CREB3L3: variants seen among roughly 807,000 people sequenced by gnomAD.
The protein encoded by CREB3L3 is cAMP responsive element binding protein 3 like 3.
In CREB3L3, 40 loss-of-function variants were observed where a neutral mutation model predicts 44.6. The ratio of observed to expected loss-of-function variants is 0.90; its 90% CI spans 0.70 to 1.17. The LOEUF is 1.17. Ranked by LOEUF, CREB3L3 falls within the 50% of genes most tolerant of loss-of-function variation. The pLI is 0.00. For synonymous variants in CREB3L3, 273 were observed against 256.3 expected (o/e 1.06, Z -0.62); for missense variants, 578 against 595.8 (o/e 0.97, Z 0.31).
chr19:4,166,040 C>T (rs955399485), intron 5 of CREB3L3, among the ~76,000 whole-genome samples: 2 of 152,056 alleles, frequency 1.3e-5, no homozygotes, highest in Non-Finnish European at 1.5e-5. Context: ...AGTCCCCACC[C>T]AGCCTGCTGC....
intron 1 of CREB3L3, 80 bp downstream of exon 1, chr19:4,153,854 C>A (rs2145113721): frequency 6.9e-7 from 1 of 1,446,620 alleles, no homozygotes; most frequent in Non-Finnish European, 9.7e-7. Context: ...TGGAAGGACC[C>A]CATCTCCACC....
At chr19:4,163,351 A>AGAAAGAAAGAAAGAAAGAAGGAAGGAAG (rs535753131) in intron 4 of CREB3L3, among the ~76,000 whole-genome samples, 5 of 117,190 alleles carry the variant, frequency 4.3e-5, no homozygotes, top group African/African-American at 9.8e-5. Flanking sequence ...AAAGAAAGAA[A>AGAAAGAAAGAAAGAAAGAAGGAAGGAAG]GAAGGAAGGA....
At chr19:4,161,560 A>G (rs184731650) in intron 4 of CREB3L3, among the ~76,000 whole-genome samples, 5 of 152,280 alleles carry the variant, frequency 3.3e-5, no homozygotes, top group African/African-American at 1.2e-4. Flanking sequence ...ATTGAAGGCC[A>G]TCTACCCTGC....
At position 4,157,150 on chromosome 19, in the gene CREB3L3, C is replaced by G; in HGVS notation, c.312C>G (p.Ser104Arg). Residue 104 changes from serine to arginine, a missense_variant, in exon 3 of 10, where the codon AGC becomes AGG. Transcript: ENST00000078445. ...PSDPQDTPPR[S>R]GPATSPAGCH... ...ACCCCCAGGACACCCCTCCACGCAGCGGACCAGCCACCTCCCCCGCCGGCT... is the reference window on the plus strand; with the variant it reads ...ACCCCCAGGACACCCCTCCACGCAGGGGACCAGCCACCTCCCCCGCCGGCT... The G allele has an allele frequency of 6.2e-7, 1 of 1,614,004 alleles. No homozygotes were observed. Among genetic ancestry groups the G allele is most frequent in the Non-Finnish European group, 8.5e-7 (1 of 1,180,000 alleles).
rs754139376 is a variant in CREB3L3, at chr19:4,153,707, G to C, written c.-41G>C. 1.5e-5 allele frequency: 24 copies of C among 1,613,518 alleles called. No homozygotes were observed. Among genetic ancestry groups the C allele is most frequent in the Admixed American group, 8.3e-5 (5 of 59,892 alleles). ...GTGGGTGGGCCTCCAGCTTGGAGCA[G>C]AGACCCCCCGAGGCATCTGCAGACA... On this transcript the variant is annotated 5_prime_UTR_variant, in exon 1 of 10. Coordinates refer to ENST00000078445, the MANE Select transcript of CREB3L3 (RefSeq NM_032607.3).
At chr19:4,155,531 G>A (rs1238064828) in intron 2 of CREB3L3, among the ~76,000 whole-genome samples, 1 of 151,230 alleles carries the variant, frequency 6.6e-6, no homozygotes, top group African/African-American at 2.4e-5. Context: ...GCTAATTTTT[G>A]TATTTTTAGT....
chr19:4,155,752 T>TC (rs1491354500), intron 2 of CREB3L3, among the ~76,000 whole-genome samples: 7 of 7,192 alleles, frequency 9.7e-4, no homozygotes, highest in African/African-American at 4.8e-3. Flanking sequence ...TTTTACTCTC[T>TC]TTTTTTTTTT....
rs373570772 is a variant in CREB3L3 at position 4,171,935 on chromosome 19, G to A, written c.1352G>A (p.Arg451His). The part of the protein sequence containing the change: ...VAPGPSTGSG[R>H]AGLEAAGDEL ...CCTGGGCCGAGCACTGGCTCAGGACGTGCAGGGCTGGAGGCGGCGGGAGAC... is the reference window on the plus strand; with the variant it reads ...CCTGGGCCGAGCACTGGCTCAGGACATGCAGGGCTGGAGGCGGCGGGAGAC... Residue 451 changes from arginine to histidine, a missense_variant, in exon 10 of 10, where the codon CGT (arginine) becomes CAT (histidine). Coordinates refer to ENST00000078445, the MANE Select transcript of CREB3L3 (RefSeq NM_032607.3). The surrounding 1 kb of genome is among the most constrained non-coding windows in gnomAD (Gnocchi z 4.9). 24 of 1,609,536 alleles carry A rather than the reference G, an allele frequency of 1.5e-5. No individual in the cohort carries two copies. Among genetic ancestry groups the A allele is most frequent in the African/African-American group, 6.7e-5 (5 of 74,888 alleles).
At chr19:4,154,518 T>C in intron 1 of CREB3L3, among the ~76,000 whole-genome samples, 1 of 152,082 alleles carries the variant, frequency 6.6e-6, no homozygotes, top group East Asian at 1.9e-4. Context: ...GACAAGTGTG[T>C]GCCACCGCAG....
At chr19:4,169,505 AC>A (rs1417934273) in intron 6 of CREB3L3, among the ~76,000 whole-genome samples, 1 of 150,576 alleles carries the variant, frequency 6.6e-6, no homozygotes, top group Non-Finnish European at 1.5e-5. Context: ...AAAAAAAGAA[AC>A]TTGAGTCTCC....
chr19:4,170,070 G>T (rs540618367), intron 6 of CREB3L3, 70 bp from the exon 7 acceptor site: 6 of 1,458,258 alleles, frequency 4.1e-6, no homozygotes, highest in East Asian at 4.5e-5. Context: ...TGAGGCCTCT[G>T]GGGGAGATGT....
intron 7 of CREB3L3, among the ~76,000 whole-genome samples, chr19:4,170,753 C>CA (rs968232878): frequency 1.6e-4 from 24 of 149,092 alleles, no homozygotes; most frequent in African/African-American, 5.2e-4. Flanking sequence ...ACTAAAAATA[C>CA]AAAAAAAATT....
chr19:4,167,611 TATTA>T (rs1220818425), intron 5 of CREB3L3, among the ~76,000 whole-genome samples: 3 of 151,720 alleles, frequency 2.0e-5, no homozygotes, highest in Admixed American at 6.6e-5. Context: ...AGAAAAAAAT[TATTA>T]ATTAGTCTTA....
rs1967085599 is a variant in CREB3L3, at chr19:4,172,720, A to G, written c.*751A>G. On this transcript the variant is annotated 3_prime_UTR_variant, in exon 10 of 10. Transcript: ENST00000078445. Reference sequence around the variant, plus strand: ...AGACAGACAGACAGACACAGCCTGAAACAGACCCAGACAGACAGACCGACG... The same window carrying G: ...AGACAGACAGACAGACACAGCCTGAGACAGACCCAGACAGACAGACCGACG... 4.2e-6 allele frequency: 1 copy of G among 238,538 alleles called. No homozygotes were observed. Among genetic ancestry groups the G allele is most frequent in the Admixed American group, 5.6e-5 (1 of 17,988 alleles). 14.8% of individuals were successfully genotyped at this position (238,538 alleles called of 1,614,324 possible).
At chr19:4,160,074 T>C (rs1447229519) in intron 4 of CREB3L3, among the ~76,000 whole-genome samples, 1 of 152,006 alleles carries the variant, frequency 6.6e-6, no homozygotes, top group Non-Finnish European at 1.5e-5. Flanking sequence ...GGCAGGCAGA[T>C]CGCTTGAGCT....
At chr19:4,169,584 C>CAT (rs1157197393) in intron 6 of CREB3L3, among the ~76,000 whole-genome samples, 2 of 95,140 alleles carry the variant, frequency 2.1e-5, no homozygotes, top group Non-Finnish European at 2.0e-5. Flanking sequence ...GGAGGCTCAG[C>CAT]TTTTTTTTTT....
At position 4,157,141 on chromosome 19, in the gene CREB3L3, T is replaced by C; in HGVS notation, c.303T>C (p.Pro101=). 1 of 1,613,466 alleles carries C rather than the reference T, an allele frequency of 6.2e-7. No homozygotes were observed. Among genetic ancestry groups the C allele is most frequent in the Non-Finnish European group, 8.5e-7 (1 of 1,179,862 alleles). Residue 101 remains proline (P), a synonymous_variant, in exon 3 of 10, where the codon CCT becomes CCC. Coordinates refer to ENST00000078445, the MANE Select transcript of CREB3L3 (RefSeq NM_032607.3). ...TCCCCTCCGACCCCCAGGACACCCCTCCACGCAGCGGACCAGCCACCTCCC... is the reference window on the plus strand; with the variant it reads ...TCCCCTCCGACCCCCAGGACACCCCCCCACGCAGCGGACCAGCCACCTCCC... ...EDLPSDPQDT[P]PRSGPATSPA...
chr19:4,163,036 G>A (rs1432565008), intron 4 of CREB3L3, among the ~76,000 whole-genome samples: 4 of 152,094 alleles, frequency 2.6e-5, no homozygotes, highest in East Asian at 1.9e-4. Context: ...GGCCGGGCGC[G>A]GTGGCTCACG....
intron 3 of CREB3L3, among the ~76,000 whole-genome samples, chr19:4,159,080 C>T (rs1006466626): frequency 7.2e-5 from 11 of 152,222 alleles, no homozygotes; most frequent in African/African-American, 2.6e-4. Flanking sequence ...GCCGGTGTCT[C>T]CTGACAATGT....
Sources: gnomAD v4.1 joint callset for allele counts (sites outside exome capture counted in the v4.1 genomes callset) on GRCh38, gnomAD v4.1.1 for gene constraint, Gnocchi (gnomAD v3.1) non-coding constraint, MANE v1.5 for transcripts, NCBI Gene and HGNC (gene_info 2026-07-23, HGNC 2026-07-21) for gene names.